CDH10: variants seen among roughly 807,000 people sequenced by gnomAD.
CDH10 encodes cadherin-10.
CDH10 carries 30 observed loss-of-function variants against 73.1 expected under a neutral mutation model. The observed-to-expected ratio is 0.41, with a 90% CI of 0.31 to 0.56. The LOEUF is 0.56. Ranked by LOEUF, CDH10 falls within the 20% of genes least tolerant of loss-of-function variation. CDH10 has a pLI of 0.27. For synonymous variants in CDH10, 345 were observed against 348.2 expected (o/e 0.99, Z 0.10); for missense variants, 815 against 973.7 (o/e 0.84, Z 2.17).
chr5:24,548,641 CTAGT>C (rs1246973291), intron 2 of CDH10, among the ~76,000 whole-genome samples: 2 of 152,060 alleles, frequency 1.3e-5, no homozygotes, highest in African/African-American at 4.8e-5. Context: ...CACAATGAGA[CTAGT>C]TAGTTTGATC....
At chr5:24,554,517 T>C (rs62349584) in intron 2 of CDH10, among the ~76,000 whole-genome samples, 99,660 of 149,452 alleles carry the variant, frequency 0.67, 33,217 homozygotes, top group East Asian at 0.77. Context: ...TGTGTGTGTG[T>C]GTGCACGTGC....
chr5:24,532,031 G>A (rs936047109), intron 5 of CDH10, among the ~76,000 whole-genome samples: 1 of 151,992 alleles, frequency 6.6e-6, no homozygotes, highest in African/African-American at 2.4e-5. Flanking sequence ...CAAATGTCCA[G>A]GGCCATGGCT....
At chr5:24,566,335 A>G (rs888779031) in intron 2 of CDH10, among the ~76,000 whole-genome samples, 3 of 152,174 alleles carry the variant, frequency 2.0e-5, no homozygotes, top group Non-Finnish European at 4.4e-5. Flanking sequence ...GGAGTGAGCC[A>G]CCACTCCCGG....
intron 1 of CDH10, among the ~76,000 whole-genome samples, chr5:24,593,827 C>A (rs1194217439): frequency 2.6e-5 from 4 of 151,738 alleles, no homozygotes; most frequent in African/African-American, 9.7e-5. Context: ...TTATTTCCAC[C>A]AAATTCTAAA....
intron 2 of CDH10, among the ~76,000 whole-genome samples, chr5:24,545,320 G>A (rs368327712): frequency 5.6e-4 from 85 of 152,276 alleles, no homozygotes; most frequent in Middle Eastern, 3.4e-3. Context: ...AGGTGTCTAG[G>A]AAGTTGTTAA....
At chr5:24,529,142 T>A (rs1429106387) in intron 5 of CDH10, among the ~76,000 whole-genome samples, 1 of 152,008 alleles carries the variant, frequency 6.6e-6, no homozygotes, top group Non-Finnish European at 1.5e-5. Context: ...CTGTTGCTGT[T>A]TTATTTACTT....
In CDH10 at chr5:24,537,558, T is replaced by C; in HGVS notation, c.348A>G (p.Arg116=). Residue 116 remains arginine, a synonymous_variant, in exon 3 of 12, where the codon CGA becomes CGG. Coordinates refer to ENST00000264463, the MANE Select transcript of CDH10 (RefSeq NM_006727.5). ...EKTGDIHATR[R]IDREEKAFYT... is the part of the protein sequence containing the mutation. ...AAAAGGCCTTTTCCTCCCTATCAAT[T>C]CGCCTTGTGGCATGAATATCACCTG... 1 of 1,613,208 alleles carries C rather than the reference T, an allele frequency of 6.2e-7. No individual in the cohort carries two copies. The highest frequency in any genetic ancestry group is 8.5e-7 in the Non-Finnish European group (1 of 1,179,372).
At position 24,547,115 on chromosome 5, in the gene CDH10, C is replaced by T. The variant is rs969270084; in HGVS notation, c.232-9441G>A. Among the ~76,000 whole-genome samples, 5 of 152,208 alleles carry T rather than the reference C, an allele frequency of 3.3e-5. No individual in the cohort carries two copies. In the East Asian group the frequency reaches 9.7e-4, roughly 29 times the overall value. On this transcript the variant is annotated intron_variant, in intron 2 of 11. Transcript: ENST00000264463. ...AGTGGACTATGTATACATGGATTAC[C>T]AGAGGACGATTTAAAATTTTTAGTG...
intron 2 of CDH10, among the ~76,000 whole-genome samples, chr5:24,552,582 T>C (rs559628558): frequency 6.6e-6 from 1 of 152,164 alleles, no homozygotes; most frequent in Admixed American, 6.5e-5. Flanking sequence ...AATTTCGAAC[T>C]TTGTCAATGC....
chr5:24,501,949 C>A (rs1459149292), intron 8 of CDH10, among the ~76,000 whole-genome samples: 2 of 151,566 alleles, frequency 1.3e-5, no homozygotes, highest in African/African-American at 4.9e-5. Flanking sequence ...GAGGGAATCT[C>A]ACTCTGTCGC....
At chr5:24,626,792 A>ATGTGTG (rs58419965) in intron 1 of CDH10, among the ~76,000 whole-genome samples, 4 of 149,106 alleles carry the variant, frequency 2.7e-5, no homozygotes, top group African/African-American at 9.9e-5. Context: ...ATATATATAT[A>ATGTGTG]TGTGTGTGTG....
At position 24,537,589 on chromosome 5, in the gene CDH10, T is replaced by C. The variant is rs1406135126; in HGVS notation, c.317A>G (p.Glu106Gly). Reference protein sequence around the residue: ...DGAGTLFIIDEKTGDIHATRR... With the variant: ...DGAGTLFIIDGKTGDIHATRR... ...TGTGGCATGAATATCACCTGTTTTTTCATCAATAATAAAAAGAGTACCAGC... is the reference window on the plus strand; with the variant it reads ...TGTGGCATGAATATCACCTGTTTTTCCATCAATAATAAAAAGAGTACCAGC... Residue 106 changes from glutamate (E) to glycine (G), a missense_variant, in exon 3 of 12, where the codon GAA (glutamate) becomes GGA (glycine). Transcript: ENST00000264463. 1 of 1,609,700 alleles carries C rather than the reference T, an allele frequency of 6.2e-7. No individual in the cohort carries two copies. Among genetic ancestry groups the C allele is most frequent in the Non-Finnish European group, 8.5e-7 (1 of 1,176,240 alleles).
At chr5:24,515,708 C>T (rs1181830473) in intron 5 of CDH10, among the ~76,000 whole-genome samples, 1 of 152,136 alleles carries the variant, frequency 6.6e-6, no homozygotes, top group Admixed American at 6.6e-5. Flanking sequence ...ATTCTTTAAT[C>T]TCTGTCTTTC....
chr5:24,593,659 CATTATT>C (rs1233438833), intron 1 of CDH10, 46 bp from the exon 2 acceptor site: 1 of 547,242 alleles, frequency 1.8e-6, no homozygotes, highest in Middle Eastern at 4.4e-4. Context: ...ACAACATTAT[CATTATT>C]ACTTTTCATT....
chr5:24,638,172 A>T (rs1432351699), intron 1 of CDH10, among the ~76,000 whole-genome samples: 1 of 151,728 alleles, frequency 6.6e-6, no homozygotes, highest in Admixed American at 6.6e-5. Flanking sequence ...TTTTTTAAGT[A>T]TCGATAGCAA....
At chr5:24,504,963 G>GT (rs1310568304) in intron 8 of CDH10, 149 bp downstream of exon 8, 18 of 614,420 alleles carry the variant, frequency 2.9e-5, no homozygotes, top group Non-Finnish European at 4.1e-5. Flanking sequence ...GAAAAAAAGT[G>GT]TAAGTGCTGA....
chr5:24,598,984 T>A (rs1254186080), intron 1 of CDH10, among the ~76,000 whole-genome samples: 1 of 152,094 alleles, frequency 6.6e-6, no homozygotes, highest in Non-Finnish European at 1.5e-5. Context: ...GGCACATAAC[T>A]TCATGTGGCC....
chr5:24,576,378 A>G (rs1324640516), intron 2 of CDH10, among the ~76,000 whole-genome samples: 1 of 152,094 alleles, frequency 6.6e-6, no homozygotes, highest in African/African-American at 2.4e-5. Flanking sequence ...TTAGAAGATT[A>G]TTATGTAACT....
chr5:24,572,356 G>T (rs1369769419), intron 2 of CDH10, among the ~76,000 whole-genome samples: 1 of 152,032 alleles, frequency 6.6e-6, no homozygotes, highest in Non-Finnish European at 1.5e-5. Flanking sequence ...AGATCTAGAA[G>T]GAAAAATGCC....
Sources: allele counts gnomAD v4.1 joint callset (sites outside exome capture counted in the v4.1 genomes callset), GRCh38; gene constraint gnomAD v4.1.1; transcripts MANE v1.5; gene names NCBI Gene and HGNC (gene_info 2026-07-23, HGNC 2026-07-21).